Variants in CYP4B1 observed in about 807,000 individuals in gnomAD.
The protein encoded by CYP4B1 is cytochrome P450 4B1.
Under a neutral mutation model 54.0 loss-of-function variants are expected in CYP4B1, and 45 were observed. The ratio of observed to expected loss-of-function variants is 0.83; its 90% CI spans 0.66 to 1.07. The LOEUF (loss-of-function observed/expected upper bound fraction) is 1.07, where lower values mean the gene tolerates loss of function less well. CYP4B1 is among the 50% of genes least tolerant of loss of function. The pLI is 0.00. For synonymous variants in CYP4B1, 248 were observed against 247.5 expected, an observed-to-expected ratio of 1.00 and a Z score of -0.02; for missense variants, 656 against 655.4, an observed-to-expected ratio of 1.00 and a Z score of -0.01.
In CYP4B1 at chr1:46,812,219, A is replaced by G. The variant is rs1434100452; in HGVS notation, c.368-277A>G. ...GTCTCACATCTGGCAATGTCATCTG[A>G]CACAAGTTCCTGGACCCAGGCTTTG... On this transcript the variant is annotated intron_variant, in intron 3 of 11. Transcript: ENST00000371923. 5 of 591,834 alleles carry G rather than the reference A, an allele frequency of 8.4e-6. No homozygotes were observed. The Admixed American group carries it at 1.1e-4, about 13-fold the overall frequency. The allele number at this position is 591,834 out of a possible 1,614,324, so 36.7% of individuals were successfully genotyped here.
intron 1 of CYP4B1, among the ~76,000 whole-genome samples, chr1:46,800,238 T>TTCC (rs1678581297): frequency 5.7e-4 from 24 of 42,430 alleles, no homozygotes; most frequent in Admixed American, 9.0e-4. Flanking sequence ...TCTTTCTTTC[T>TTCC]TTCCTTCCTT....
intron 1 of CYP4B1, among the ~76,000 whole-genome samples, chr1:46,808,212 A>G (rs1221826762): frequency 2.0e-5 from 3 of 152,174 alleles, no homozygotes; most frequent in Non-Finnish European, 4.4e-5. Context: ...TCCCTGAGGA[A>G]TCGCCACACT....
At chr1:46,813,144 C>G (rs1212564603) in intron 4 of CYP4B1, among the ~76,000 whole-genome samples, 1 of 152,210 alleles carries the variant, frequency 6.6e-6, no homozygotes, top group Non-Finnish European at 1.5e-5. Flanking sequence ...AAACTCCCCT[C>G]CAGGATTACT....
chr1:46,804,032 T>C (rs1167053384), intron 1 of CYP4B1, among the ~76,000 whole-genome samples: 5 of 151,912 alleles, frequency 3.3e-5, no homozygotes, highest in African/African-American at 1.2e-4. Flanking sequence ...AGGAGAAAGG[T>C]AAACTGGAAA....
At chr1:46,807,166 A>G (rs1678893080) in intron 1 of CYP4B1, among the ~76,000 whole-genome samples, 1 of 152,210 alleles carries the variant, frequency 6.6e-6, no homozygotes, top group East Asian at 1.9e-4. Flanking sequence ...CTAAAGAGCT[A>G]GGAGAAAGCT....
In CYP4B1 at chr1:46,816,581, G is replaced by GACACACACACACACAC. The variant is rs3066413; in HGVS notation, c.1074-458_1074-443dup. Reference sequence around the variant, plus strand: ...AGCTTCCCGGTTGCCAAAGGGAAAAGACACACACACACACACACACACACT... The same window carrying GACACACACACACACAC: ...AGCTTCCCGGTTGCCAAAGGGAAAAGACACACACACACACACACACACACACACACACACACACACT... On this transcript the variant is annotated intron_variant, in intron 8 of 11. Coordinates refer to ENST00000371923, the MANE Select transcript of CYP4B1 (RefSeq NM_001099772.2). 5.5e-3 allele frequency among the ~76,000 whole-genome samples: 801 copies of GACACACACACACACAC among 146,684 alleles called. 4 individuals are homozygous for GACACACACACACACAC. Among genetic ancestry groups the GACACACACACACACAC allele is most frequent in the African/African-American group, 0.018 (731 of 39,856 alleles).
At chr1:46,816,919 T>G (rs1156715760) in intron 8 of CYP4B1, 129 bp from the exon 9 acceptor site, 28 of 1,093,408 alleles carry the variant, frequency 2.6e-5, no homozygotes, top group Non-Finnish European at 3.7e-5. Flanking sequence ...CAGGGGCACT[T>G]GGAACTCTGT....
chr1:46,811,072 C>A, intron 2 of CYP4B1, 68 bp from the exon 3 acceptor site: 2 of 1,603,538 alleles, frequency 1.2e-6, no homozygotes, highest in Non-Finnish European at 1.7e-6. Context: ...AGGTTCCCAC[C>A]CTACTCATAA....
chr1:46,810,893 T>C lies in CYP4B1; in HGVS notation c.266T>C (p.Ile89Thr), dbSNP rs1384338168. 1.2e-6 allele frequency: 2 copies of C among 1,614,154 alleles called. No homozygotes were observed. The highest frequency in any genetic ancestry group is 1.7e-6 in the Non-Finnish European group (2 of 1,180,026). Residue 89 changes from isoleucine to threonine, a missense_variant, in exon 2 of 12, where the codon ATT (isoleucine) becomes ACT (threonine). Ile to Thr is a moderately conservative substitution (Grantham distance 89, BLOSUM62 -1). Transcript: ENST00000371923. Reference protein sequence around the residue: ...YAHPLWFGQFIGFLNIYEPDY... With the variant: ...YAHPLWFGQFTGFLNIYEPDY... ...CACCCACTCTGGTTCGGACAGTTCA[T>C]TGGCTTCCTGAACATCTATGAGCCT...
intron 1 of CYP4B1, among the ~76,000 whole-genome samples, chr1:46,800,884 C>T (rs569657704): frequency 5.3e-5 from 8 of 152,168 alleles, no homozygotes; most frequent in African/African-American, 1.9e-4. Context: ...AGCTTACGGT[C>T]TGAAGGGAAA....
chr1:46,801,546 G>A (rs1188041721), intron 1 of CYP4B1, among the ~76,000 whole-genome samples: 1 of 151,768 alleles, frequency 6.6e-6, no homozygotes, highest in Non-Finnish European at 1.5e-5. Context: ...GCATCAGGTT[G>A]AGCAGACAAA....
chr1:46,808,975 G>A (rs544369442), intron 1 of CYP4B1, among the ~76,000 whole-genome samples: 1 of 126,718 alleles, frequency 7.9e-6, no homozygotes, highest in Non-Finnish European at 1.7e-5. Flanking sequence ...GTGGTGGGGT[G>A]GGGGGAGGGG....
chr1:46,813,541 T>C lies in CYP4B1; in HGVS notation c.555T>C (p.Gly185=). The change falls in exon 5 of 12, where the codon GGT becomes GGC. Residue 185 remains glycine (G), a synonymous_variant. Transcript: ENST00000371923. ...GKSFDIFCDV[G]HMALNTLMKC... ...CCTTTGACATCTTCTGCGATGTGGG[T>C]CACATGGCGCTGAACACACTCATGA... 1 of 1,614,118 alleles carries C rather than the reference T, an allele frequency of 6.2e-7. No homozygotes were observed. Among genetic ancestry groups the C allele is most frequent in the Non-Finnish European group, 8.5e-7 (1 of 1,180,014 alleles).
At chr1:46,811,086 A>T in intron 2 of CYP4B1, 54 bp from the exon 3 acceptor site, 1 of 1,609,050 alleles carries the variant, frequency 6.2e-7, no homozygotes. Flanking sequence ...CTCATAAATG[A>T]GCCTCCTCTA....
chr1:46,812,353 G>A, intron 3 of CYP4B1, 143 bp from the exon 4 acceptor site: 7 of 896,416 alleles, frequency 7.8e-6, no homozygotes, highest in Non-Finnish European at 1.2e-5. Flanking sequence ...CCTAGGGTGA[G>A]GGCATGGAGG....
At chr1:46,801,056 G>T (rs1019472620) in intron 1 of CYP4B1, among the ~76,000 whole-genome samples, 3 of 152,164 alleles carry the variant, frequency 2.0e-5, no homozygotes, top group Admixed American at 2.0e-4. Context: ...ATGGAGATCT[G>T]ATCTGATTCA....
chr1:46,814,574 A>G (rs1241164438), intron 7 of CYP4B1, among the ~76,000 whole-genome samples: 1 of 152,058 alleles, frequency 6.6e-6, no homozygotes, highest in African/African-American at 2.4e-5. Context: ...AGATCCCCCA[A>G]AATGTTGGCC....
chr1:46,813,803 A>G, intron 5 of CYP4B1, 106 bp from the exon 6 acceptor site: 1 of 1,472,676 alleles, frequency 6.8e-7, no homozygotes, highest in Non-Finnish European at 9.3e-7. Flanking sequence ...AGGGAGAAGA[A>G]GAGCAGGATG....
At chr1:46,815,285 G>A (rs370191155) in intron 8 of CYP4B1, 21 bp downstream of exon 8, 42 of 1,528,850 alleles carry the variant, frequency 2.7e-5, no homozygotes, top group African/African-American at 5.5e-5. Context: ...GGGTGGGCCC[G>A]GTTTATCCTG....
Sources: allele counts gnomAD v4.1 joint callset (sites outside exome capture counted in the v4.1 genomes callset), GRCh38; gene constraint gnomAD v4.1.1; transcripts MANE v1.5; gene names NCBI Gene and HGNC (gene_info 2026-07-23, HGNC 2026-07-21).